Variants in NALCN observed in about 807,000 individuals in gnomAD.
NALCN encodes the protein sodium leak channel, non-selective, also known as sodium leak channel NALCN.
Under a neutral mutation model 225.3 loss-of-function variants are expected in NALCN, and 111 were observed. The observed-to-expected ratio is 0.49, with a 90% confidence interval of 0.42 to 0.58. NALCN has a LOEUF of 0.58. NALCN is among the 20% of genes least tolerant of loss of function. The pLI is 0.00. For missense variants in NALCN, 1,378 were observed against 2,202.4 expected, an observed-to-expected ratio of 0.63 and a Z score of 7.49; for synonymous variants, 764 against 769.0, an observed-to-expected ratio of 0.99 and a Z score of 0.11.
Position 101,068,732 on chromosome 13 carries a change from A to G in NALCN, c.4293T>C (p.Tyr1431=). ...TTAGCATGATGTAGGCAATGATGAC[A>G]TAAAATGAACAGAAATACATAAGTG... ...AGALMYFCSF[Y]VIIAYIMLNL... is the part of the protein sequence containing the mutation. Residue 1431 remains tyrosine, a synonymous_variant, in exon 38 of 44, where the codon TAT becomes TAC. Transcript: ENST00000251127. The G allele has an allele frequency of 1.2e-6, 2 of 1,611,800 alleles. No homozygotes were observed.
intron 1 of NALCN, 29 bp from the exon 2 acceptor site, chr13:101,399,194 T>A (rs939289801): frequency 7.0e-6 from 11 of 1,573,870 alleles, no homozygotes; most frequent in Non-Finnish European, 8.7e-6. Flanking sequence ...GTATTTGTCA[T>A]CTAAACCATC....
chr13:101,330,142 C>G (rs780446623), intron 7 of NALCN, among the ~76,000 whole-genome samples: 22 of 151,700 alleles, frequency 1.5e-4, no homozygotes, highest in Non-Finnish European at 2.9e-4. Flanking sequence ...ATTTAGACAC[C>G]TTTTTCCCTT....
rs780454704 is a variant in NALCN, at chr13:101,065,430, G to A, written c.4578C>T (p.Gly1526=). The change falls in exon 40 of 44, where the codon GGC becomes GGT. Residue 1526 remains glycine (G), a synonymous_variant. Transcript: ENST00000251127. The part of the protein sequence containing the change: ...CYEMERLHNG[G]DVTFHDVLSM... The stretch of plus-strand genomic sequence containing the variant: ...TCAGGACATCATGGAAGGTGACGTC[G>A]CCGCCATTGTGGAGCCTCTCCATTT... The A allele has an allele frequency of 9.9e-6, 16 of 1,614,010 alleles. No individual in the cohort carries two copies. The highest frequency in any genetic ancestry group is 8.0e-5 in the African/African-American group (6 of 74,934).
At chr13:101,196,923 G>A (rs538475873) in intron 13 of NALCN, among the ~76,000 whole-genome samples, 3 of 152,100 alleles carry the variant, frequency 2.0e-5, no homozygotes, top group Non-Finnish European at 2.9e-5. Flanking sequence ...TGAGCTTCCT[G>A]TACTCTTGAA....
intron 37 of NALCN, among the ~76,000 whole-genome samples, chr13:101,072,037 A>C (rs2032927750): frequency 6.6e-6 from 1 of 152,154 alleles, no homozygotes; most frequent in East Asian, 1.9e-4. Context: ...GACATTTATC[A>C]ATTAAATTCT....
At chr13:101,077,228 T>G (rs1374859827) in intron 34 of NALCN, among the ~76,000 whole-genome samples, 1 of 152,210 alleles carries the variant, frequency 6.6e-6, no homozygotes, top group Non-Finnish European at 1.5e-5. Context: ...TACCCAGTTT[T>G]GGGTATTTCT....
At chr13:101,397,066 T>TTATATATATATATA (rs368771604) in intron 2 of NALCN, among the ~76,000 whole-genome samples, 6 of 56,382 alleles carry the variant, frequency 1.1e-4, no homozygotes, top group Non-Finnish European at 2.1e-4. Context: ...TATGAATGTA[T>TTATATATATATATA]TATATATATA....
intron 3 of NALCN, among the ~76,000 whole-genome samples, chr13:101,384,856 G>A (rs2046944087): frequency 6.6e-6 from 1 of 152,166 alleles, no homozygotes; most frequent in Admixed American, 6.5e-5. Flanking sequence ...CAAGCTTTGG[G>A]AATATTATAA....
At chr13:101,181,150 C>T (rs1284220259) in intron 14 of NALCN, 2 of 518,830 alleles carry the variant, frequency 3.9e-6, no homozygotes, top group Non-Finnish European at 7.7e-6. Flanking sequence ...CCAAGCCACG[C>T]AGATGCCAAG....
At chr13:101,064,664 C>A (rs2032221903) in intron 40 of NALCN, among the ~76,000 whole-genome samples, 1 of 152,090 alleles carries the variant, frequency 6.6e-6, no homozygotes, top group Non-Finnish European at 1.5e-5. Context: ...ATTGGCAGCG[C>A]ACCTCCAGCA....
intron 6 of NALCN, among the ~76,000 whole-genome samples, chr13:101,353,742 G>T (rs1468398489): frequency 6.6e-6 from 1 of 152,092 alleles, no homozygotes; most frequent in Non-Finnish European, 1.5e-5. Flanking sequence ...TTCCTGAAAG[G>T]GTTGGTAGGC....
intron 6 of NALCN, among the ~76,000 whole-genome samples, chr13:101,369,166 ATGTGTGTGTG>A (rs56739782): frequency 4.8e-5 from 7 of 146,430 alleles, no homozygotes; most frequent in Non-Finnish European, 9.0e-5. Context: ...GACAAAATAA[ATGTGTGTGTG>A]TGTGTGTGTG....
Position 101,104,849 on chromosome 13 carries a change from T to C in NALCN, c.2636+45A>G. ...GTTGTATGCAGCATAAAATAGTACA[T>C]GAAAACTTTAAATGTGCATGGAAAA... On this transcript the variant is annotated intron_variant, in intron 23 of 43. Coordinates refer to ENST00000251127, the MANE Select transcript of NALCN (RefSeq NM_052867.4). The surrounding 1 kb of genome is among the most constrained non-coding windows in gnomAD (Gnocchi z 4.2). 1 of 1,605,292 alleles carries C rather than the reference T, an allele frequency of 6.2e-7. No homozygotes were observed. The highest frequency in any genetic ancestry group is 8.5e-7 in the Non-Finnish European group (1 of 1,172,350).
chr13:101,265,977 T>A (rs931852982), intron 10 of NALCN, among the ~76,000 whole-genome samples: 1 of 152,214 alleles, frequency 6.6e-6, no homozygotes, highest in Non-Finnish European at 1.5e-5. Context: ...CAGAAAGATT[T>A]AAGATTGCCA....
chr13:101,120,753 AAGCC>A (rs1384421793), intron 18 of NALCN, among the ~76,000 whole-genome samples: 8 of 152,206 alleles, frequency 5.3e-5, no homozygotes, highest in African/African-American at 1.9e-4. Flanking sequence ...TGTTGAACCA[AAGCC>A]GGGGGAAAGA....
intron 10 of NALCN, among the ~76,000 whole-genome samples, chr13:101,277,961 T>C (rs1408975803): frequency 6.6e-6 from 1 of 152,172 alleles, no homozygotes; most frequent in Non-Finnish European, 1.5e-5. Flanking sequence ...TGCCAGATCA[T>C]TCTCTTTTAC....
intron 18 of NALCN, chr13:101,116,479 A>T: frequency 3.9e-6 from 2 of 514,994 alleles, no homozygotes; most frequent in Non-Finnish European, 7.7e-6. Context: ...GCCTTTAAAC[A>T]CCACTAGTTG....
chr13:101,189,825 G>A (rs550828375), intron 14 of NALCN, among the ~76,000 whole-genome samples: 2 of 152,222 alleles, frequency 1.3e-5, no homozygotes, highest in East Asian at 1.9e-4. Context: ...AGATGTTTTG[G>A]GTAGATACTT....
intron 13 of NALCN, among the ~76,000 whole-genome samples, chr13:101,205,520 G>A (rs1027241337): frequency 2.0e-5 from 3 of 152,006 alleles, no homozygotes; most frequent in African/African-American, 7.2e-5. Context: ...ATTTTTAGTT[G>A]AAAGGTATAC....
Sources: allele counts gnomAD v4.1 joint callset (sites outside exome capture counted in the v4.1 genomes callset), GRCh38; gene constraint gnomAD v4.1.1; non-coding constraint Gnocchi (gnomAD v3.1); transcripts MANE v1.5; gene names NCBI Gene and HGNC (gene_info 2026-07-23, HGNC 2026-07-21).